Variants in NAALADL2 observed in about 807,000 individuals in gnomAD.
NAALADL2 encodes inactive N-acetylated-alpha-linked acidic dipeptidase-like protein 2.
In NAALADL2, 76 loss-of-function variants were observed where a neutral mutation model predicts 87.2. The ratio of observed to expected loss-of-function variants is 0.87; its 90% CI spans 0.72 to 1.05. The LOEUF is 1.05. Among genes scored for constraint, NAALADL2 ranks in the 50% least tolerant of loss-of-function variants. The pLI is 0.00. For missense variants in NAALADL2, 1,089 were observed against 945.8 expected (o/e 1.15, Z -1.99); for synonymous variants, 354 against 331.0 (o/e 1.07, Z -0.75).
At chr3:175,388,353 T>C (rs1341498555) in intron 5 of NAALADL2, among the ~76,000 whole-genome samples, 1 of 152,152 alleles carries the variant, frequency 6.6e-6, no homozygotes, top group African/African-American at 2.4e-5. Context: ...TTAGTTTAAA[T>C]GTTTTCTGGT....
chr3:174,573,150 A>C (rs1465227675), intron 2 of NAALADL2, among the ~76,000 whole-genome samples: 1 of 152,174 alleles, frequency 6.6e-6, no homozygotes, highest in Non-Finnish European at 1.5e-5. Flanking sequence ...AATTCATGTT[A>C]TTTTATACTC....
At position 174,940,604 on chromosome 3, in the gene NAALADL2, G is replaced by A. The variant is rs149048066; in HGVS notation, c.43+81154G>A. On this transcript the variant is annotated intron_variant, in intron 1 of 13. Transcript: ENST00000454872. Reference sequence around the variant, plus strand: ...GTAGGAATGGTACCAGCTCTTCTTTGTCCCTGTAGTAGAATTCAGCTGTGA... The same window carrying A: ...GTAGGAATGGTACCAGCTCTTCTTTATCCCTGTAGTAGAATTCAGCTGTGA... Among the ~76,000 whole-genome samples, 773 of 152,038 alleles carry A rather than the reference G, an allele frequency of 5.1e-3. 2 individuals carry two copies. The highest frequency in any genetic ancestry group is 0.014 in the Middle Eastern group (4 of 294).
At chr3:174,646,087 TTCTG>T (rs1296544449) in intron 2 of NAALADL2, among the ~76,000 whole-genome samples, 1 of 152,160 alleles carries the variant, frequency 6.6e-6, no homozygotes, top group Non-Finnish European at 1.5e-5. Context: ...TCAACAGTCT[TTCTG>T]TTAGATAAAT....
At chr3:174,878,635 C>A (rs1728810369) in intron 1 of NAALADL2, among the ~76,000 whole-genome samples, 1 of 151,688 alleles carries the variant, frequency 6.6e-6, no homozygotes, top group Non-Finnish European at 1.5e-5. Flanking sequence ...GAATTTTTTT[C>A]TTGTTGGCAG....
chr3:174,625,041 C>G (rs1447349148), intron 2 of NAALADL2, among the ~76,000 whole-genome samples: 1 of 88,378 alleles, frequency 1.1e-5, no homozygotes, highest in Non-Finnish European at 2.0e-5. Flanking sequence ...CTATTTATTG[C>G]TATCTCTCTC....
At chr3:174,893,544 TAAA>T (rs1560333216) in intron 1 of NAALADL2, among the ~76,000 whole-genome samples, 1 of 152,168 alleles carries the variant, frequency 6.6e-6, no homozygotes, top group Non-Finnish European at 1.5e-5. Context: ...AACAAAAAGT[TAAA>T]AAGGGTGTTG....
At chr3:175,356,597 T>TAAA (rs1764397291) in intron 5 of NAALADL2, among the ~76,000 whole-genome samples, 2 of 146,008 alleles carry the variant, frequency 1.4e-5, no homozygotes. Context: ...ATAATAATAA[T>TAAA]AATAATAATA....
chr3:175,184,393 C>T (rs1169466654), intron 2 of NAALADL2, among the ~76,000 whole-genome samples: 2 of 151,860 alleles, frequency 1.3e-5, no homozygotes, highest in African/African-American at 2.4e-5. Flanking sequence ...ATTCATTTTA[C>T]CTAATTGTTT....
At chr3:175,402,512 T>G (rs183428123) in intron 5 of NAALADL2, among the ~76,000 whole-genome samples, 74 of 152,268 alleles carry the variant, frequency 4.9e-4, no homozygotes, top group Middle Eastern at 3.4e-3. Flanking sequence ...GAATCCTTTT[T>G]ATCTGAGTCT....
At chr3:174,504,370 A>T (rs1359293710) in intron 1 of NAALADL2, among the ~76,000 whole-genome samples, 1 of 152,108 alleles carries the variant, frequency 6.6e-6, no homozygotes, top group Non-Finnish European at 1.5e-5. Flanking sequence ...TGGGGATATT[A>T]AATGGTTTTT....
chr3:175,337,243 G>A (rs547075154), intron 5 of NAALADL2, among the ~76,000 whole-genome samples: 5 of 150,956 alleles, frequency 3.3e-5, no homozygotes, highest in African/African-American at 1.2e-4. Flanking sequence ...GGTGGTATTA[G>A]GTCTAGGTGG....
At chr3:175,127,099 T>G (rs1727080961) in intron 2 of NAALADL2, among the ~76,000 whole-genome samples, 4 of 152,060 alleles carry the variant, frequency 2.6e-5, no homozygotes, top group South Asian at 4.1e-4. Flanking sequence ...CAAGAAATGT[T>G]AGTCTGTTTG....
At chr3:175,390,743 A>G (rs1006950029) in intron 5 of NAALADL2, among the ~76,000 whole-genome samples, 1 of 152,174 alleles carries the variant, frequency 6.6e-6, no homozygotes, top group African/African-American at 2.4e-5. Context: ...TTTCTTTTGC[A>G]AAAGAGGAAA....
intron 2 of NAALADL2, among the ~76,000 whole-genome samples, chr3:174,638,267 C>T (rs1039189183): frequency 4.6e-5 from 7 of 152,074 alleles, no homozygotes; most frequent in Non-Finnish European, 8.8e-5. Context: ...TTTATATAGG[C>T]TTTTTGGTAG....
chr3:175,550,777 T>C (rs1714207276), intron 9 of NAALADL2, among the ~76,000 whole-genome samples: 1 of 152,192 alleles, frequency 6.6e-6, no homozygotes, highest in South Asian at 2.1e-4. Flanking sequence ...GAACTTCCAA[T>C]AAGGCAGCAA....
chr3:175,379,270 G>C (rs910089838), intron 5 of NAALADL2, among the ~76,000 whole-genome samples: 1 of 151,494 alleles, frequency 6.6e-6, no homozygotes, highest in Non-Finnish European at 1.5e-5. Context: ...AAAAATAAAG[G>C]AGTTAAAATA....
chr3:175,001,719 G>GA (rs201859940), intron 1 of NAALADL2, among the ~76,000 whole-genome samples: 133 of 150,556 alleles, frequency 8.8e-4, no homozygotes, highest in African/African-American at 2.5e-3. Context: ...TATTCCACGT[G>GA]AAAAAAAAAT....
intron 1 of NAALADL2, among the ~76,000 whole-genome samples, chr3:174,946,053 A>G (rs1360659909): frequency 6.6e-6 from 1 of 150,774 alleles, no homozygotes; most frequent in African/African-American, 2.4e-5. Flanking sequence ...CAAAAAAAAA[A>G]AAAAAAAAAA....
chr3:175,443,975 GA>G (rs1190156858), intron 5 of NAALADL2, among the ~76,000 whole-genome samples: 1 of 152,218 alleles, frequency 6.6e-6, no homozygotes, highest in Non-Finnish European at 1.5e-5. Context: ...TGATGCATGA[GA>G]AAAACAAGTG....
Sources: gnomAD v4.1 joint callset for allele counts (sites outside exome capture counted in the v4.1 genomes callset) on GRCh38, gnomAD v4.1.1 for gene constraint, MANE v1.5 for transcripts, NCBI Gene and HGNC (gene_info 2026-07-23, HGNC 2026-07-21) for gene names.